The following RALGPS1 variants were observed in gnomAD, a reference collection of about 807,000 sequenced individuals.
The protein encoded by RALGPS1 is ras-specific guanine nucleotide-releasing factor RalGPS1.
A neutral mutation model predicts 78.8 loss-of-function variants in RALGPS1; 19 were observed. The ratio of observed to expected loss-of-function variants is 0.24; its 90% CI spans 0.17 to 0.35. The LOEUF is 0.35. RALGPS1 is among the 10% of genes least tolerant of loss of function. RALGPS1 has a pLI of 1.00. For missense variants in RALGPS1, 454 were observed against 688.3 expected (o/e 0.66, Z 3.81); for synonymous variants, 228 against 256.3 (o/e 0.89, Z 1.06).
At chr9:126,940,120 C>G (rs565233865) in intron 1 of RALGPS1, among the ~76,000 whole-genome samples, 2 of 152,154 alleles carry the variant, frequency 1.3e-5, no homozygotes, top group Admixed American at 6.5e-5. Context: ...CCCTCCTTTT[C>G]CAAGCAACCT....
At chr9:126,974,245 A>T (rs1271315967) in intron 3 of RALGPS1, among the ~76,000 whole-genome samples, 1 of 152,220 alleles carries the variant, frequency 6.6e-6, no homozygotes, top group African/African-American at 2.4e-5. Flanking sequence ...AATTTTCAAA[A>T]GGAACAGAAC....
Position 127,212,720 on chromosome 9 carries a change from G to A in RALGPS1, c.1446+1G>A. 1 of 1,607,962 alleles carries A rather than the reference G, an allele frequency of 6.2e-7. No individual in the cohort carries two copies. On this transcript the variant is annotated splice_donor_variant, in intron 16 of 18. Coordinates refer to ENST00000259351, the MANE Select transcript of RALGPS1 (RefSeq NM_014636.3). LOFTEE classifies it high-confidence loss of function. This position sits in a 1 kb window ranked among gnomAD's most constrained non-coding sequence, Gnocchi z 6.0. ...CTTGCGGGGCACAGACAGAAAACAC[G>A]TAAGTCCCTTGAAAGGACTCTAGTG...
At chr9:126,982,035 G>C (rs2132840285) in intron 4 of RALGPS1, among the ~76,000 whole-genome samples, 1 of 152,318 alleles carries the variant, frequency 6.6e-6, no homozygotes, top group South Asian at 2.1e-4. Flanking sequence ...GAACTGTTCA[G>C]AGCCACTGAG....
At chr9:127,165,094 T>C (rs922713075) in intron 8 of RALGPS1, among the ~76,000 whole-genome samples, 2 of 152,262 alleles carry the variant, frequency 1.3e-5, no homozygotes, top group African/African-American at 4.8e-5. Context: ...CTTGATCACC[T>C]GGACTTTTGT....
At chr9:127,166,874 C>A (rs564061635) in intron 9 of RALGPS1, among the ~76,000 whole-genome samples, 1 of 152,286 alleles carries the variant, frequency 6.6e-6, no homozygotes, top group African/African-American at 2.4e-5. Flanking sequence ...TGTCAGAATG[C>A]TGGATGGGCC....
At chr9:127,082,697 T>C (rs10122289) in intron 8 of RALGPS1, among the ~76,000 whole-genome samples, 8,983 of 152,214 alleles carry the variant, frequency 0.059, 861 homozygotes, top group African/African-American at 0.2. Context: ...ACCTCTTTGA[T>C]GTAAGTTTTC....
chr9:127,214,770 G>C lies in RALGPS1; in HGVS notation c.1572G>C (p.Gln524His). The C allele has an allele frequency of 6.2e-7, 1 of 1,610,786 alleles. No individual in the cohort carries two copies. Among genetic ancestry groups the C allele is most frequent in the African/African-American group, 1.3e-5 (1 of 74,832 alleles). ...CATCAGGCAATGTTTACAAGTTTCAGACTGGTTCCCGATTTCATGCAATAC... is the reference window on the plus strand; with the variant it reads ...CATCAGGCAATGTTTACAAGTTTCACACTGGTTCCCGATTTCATGCAATAC... ...NPDKGNVYKF[Q>H]TGSRFHAILW... Residue 524 changes from glutamine to histidine, a missense_variant, in exon 18 of 19, where the codon CAG becomes CAC. Coordinates refer to ENST00000259351, the MANE Select transcript of RALGPS1 (RefSeq NM_014636.3).
At chr9:127,136,728 T>C (rs1297656889) in intron 8 of RALGPS1, among the ~76,000 whole-genome samples, 1 of 152,046 alleles carries the variant, frequency 6.6e-6, no homozygotes, top group Non-Finnish European at 1.5e-5. Flanking sequence ...CTCATTGTGA[T>C]CACGCAGGAC....
At chr9:127,145,751 C>A (rs1176707287) in intron 8 of RALGPS1, among the ~76,000 whole-genome samples, 1 of 152,202 alleles carries the variant, frequency 6.6e-6, no homozygotes, top group Non-Finnish European at 1.5e-5. Context: ...CAAAATAATT[C>A]CTATTCAATG....
At chr9:127,065,262 C>T (rs1279571631) in intron 7 of RALGPS1, among the ~76,000 whole-genome samples, 1 of 152,098 alleles carries the variant, frequency 6.6e-6, no homozygotes, top group African/African-American at 2.4e-5. Context: ...TACAGGCGCA[C>T]ACCACCAGGC....
chr9:127,049,896 A>G lies in RALGPS1; in HGVS notation c.301-147A>G, dbSNP rs375752505. Reference sequence around the variant, plus strand: ...TTGGGTGCTGTAGAGGAACTCTTTAACTCATGTGACCCCAGGCTATCCTCT... The same window carrying G: ...TTGGGTGCTGTAGAGGAACTCTTTAGCTCATGTGACCCCAGGCTATCCTCT... On this transcript the variant is annotated intron_variant, in intron 5 of 18. Transcript: ENST00000259351. 60 of 649,112 alleles carry G rather than the reference A, an allele frequency of 9.2e-5. No individual in the cohort carries two copies. The East Asian group carries it at 1.1e-3, about 12-fold the overall frequency. 40.2% of individuals were successfully genotyped at this position (649,112 alleles called of 1,614,324 possible).
intron 8 of RALGPS1, among the ~76,000 whole-genome samples, chr9:127,158,163 A>G (rs919135171): frequency 6.6e-6 from 1 of 152,116 alleles, no homozygotes. Context: ...CAGTTTAAGT[A>G]ACATTAAGTT....
intron 4 of RALGPS1, among the ~76,000 whole-genome samples, chr9:126,988,137 C>G (rs1382373032): frequency 6.6e-6 from 1 of 152,046 alleles, no homozygotes; most frequent in East Asian, 1.9e-4. Context: ...AATACAAGGA[C>G]CAGTGGTGAG....
chr9:126,942,768 T>G (rs975490035), intron 1 of RALGPS1, among the ~76,000 whole-genome samples: 1 of 152,232 alleles, frequency 6.6e-6, no homozygotes, highest in African/African-American at 2.4e-5. Context: ...TATTTATAGA[T>G]TGATTGGGTG....
chr9:127,056,924 G>T (rs1433333235), intron 7 of RALGPS1, among the ~76,000 whole-genome samples: 1 of 152,212 alleles, frequency 6.6e-6, no homozygotes, highest in African/African-American at 2.4e-5. Context: ...AGTTGGGACT[G>T]GGGAGACCTC....
intron 8 of RALGPS1, among the ~76,000 whole-genome samples, chr9:127,159,763 C>T (rs368999730): frequency 5.1e-4 from 77 of 152,290 alleles, no homozygotes; most frequent in Middle Eastern, 3.4e-3. Flanking sequence ...TGAGCTGCTG[C>T]TTTGTTATTT....
At position 126,996,712 on chromosome 9, in the gene RALGPS1, G is replaced by A. The variant is rs1050071050; in HGVS notation, c.216+18967G>A. Among the ~76,000 whole-genome samples, 12 of 146,190 alleles carry A rather than the reference G, an allele frequency of 8.2e-5. No homozygotes were observed. In the South Asian group the frequency reaches 1.8e-3, roughly 22 times the overall value. ...CCAGCATCATCCTGATACCAAAGCC[G>A]GGCAGAGACACAACCAAAAAAGAGA... On this transcript the variant is annotated intron_variant, in intron 4 of 18. Coordinates refer to ENST00000259351, the MANE Select transcript of RALGPS1 (RefSeq NM_014636.3).
At chr9:127,028,171 C>G (rs912442510) in intron 4 of RALGPS1, among the ~76,000 whole-genome samples, 12 of 152,240 alleles carry the variant, frequency 7.9e-5, no homozygotes, top group African/African-American at 1.4e-4. Context: ...CTGGCCCTAA[C>G]TCAGGTGTGG....
At chr9:127,028,031 C>A (rs566139134) in intron 4 of RALGPS1, among the ~76,000 whole-genome samples, 1 of 152,354 alleles carries the variant, frequency 6.6e-6, no homozygotes, top group East Asian at 1.9e-4. Flanking sequence ...GTCTCTGCCC[C>A]TGGAGGAGCT....
Sources: gnomAD v4.1 joint callset for allele counts (sites outside exome capture counted in the v4.1 genomes callset) on GRCh38, gnomAD v4.1.1 for gene constraint, Gnocchi (gnomAD v3.1) non-coding constraint, MANE v1.5 for transcripts, NCBI Gene and HGNC (gene_info 2026-07-23, HGNC 2026-07-21) for gene names.